Variants in GPC6 observed in about 807,000 individuals in gnomAD.
The protein encoded by GPC6 is glypican 6.
Under a neutral mutation model 55.2 loss-of-function variants are expected in GPC6, and 14 were observed. That is an observed-to-expected ratio of 0.25 (90% confidence interval 0.17 to 0.40). The LOEUF (loss-of-function observed/expected upper bound fraction) is 0.40. Ranked by LOEUF, GPC6 falls within the 10% of genes least tolerant of loss-of-function variation. The pLI is 1.00. For synonymous variants in GPC6, 278 were observed against 259.6 expected, an observed-to-expected ratio of 1.07 and a Z score of -0.68; for missense variants, 641 against 708.5, an observed-to-expected ratio of 0.90 and a Z score of 1.08.
chr13:93,917,287 CTT>C (rs1487456687), intron 3 of GPC6, among the ~76,000 whole-genome samples: 2 of 151,982 alleles, frequency 1.3e-5, no homozygotes, highest in African/African-American at 4.8e-5. Flanking sequence ...CTTATGAAAA[CTT>C]AGTCAGAAAT....
chr13:93,965,490 A>G (rs943411607), intron 3 of GPC6, among the ~76,000 whole-genome samples: 1 of 152,126 alleles, frequency 6.6e-6, no homozygotes, highest in African/African-American at 2.4e-5. Context: ...TCCCTCTTTT[A>G]TTTGGGTTGA....
At chr13:93,313,831 C>T (rs879616088) in intron 1 of GPC6, among the ~76,000 whole-genome samples, 5 of 151,918 alleles carry the variant, frequency 3.3e-5, no homozygotes, top group Non-Finnish European at 7.4e-5. Context: ...TGTGCCTGGC[C>T]TAAAATTTTA....
intron 3 of GPC6, among the ~76,000 whole-genome samples, chr13:93,843,767 A>G (rs1001546810): frequency 1.3e-5 from 2 of 152,126 alleles, no homozygotes; most frequent in African/African-American, 4.8e-5. Context: ...CTTAGCATCC[A>G]TGTTCAGTTT....
intron 1 of GPC6, among the ~76,000 whole-genome samples, chr13:93,364,379 A>G (rs925750728): frequency 6.6e-6 from 1 of 152,116 alleles, no homozygotes; most frequent in East Asian, 1.9e-4. Flanking sequence ...TAAGAAAATC[A>G]CAATGATGCA....
At chr13:93,385,069 G>C (rs1003851280) in intron 1 of GPC6, among the ~76,000 whole-genome samples, 1 of 152,196 alleles carries the variant, frequency 6.6e-6, no homozygotes, top group Non-Finnish European at 1.5e-5. Context: ...ATTGGGAAAA[G>C]GGTGTTAAGG....
chr13:94,295,204 ACT>A (rs965436363), intron 5 of GPC6, among the ~76,000 whole-genome samples: 25 of 152,166 alleles, frequency 1.6e-4, no homozygotes, highest in Non-Finnish European at 1.2e-4. Context: ...GTCTAAATTA[ACT>A]CACATTAAAA....
chr13:93,236,432 C>G (rs1876237070), intron 1 of GPC6, among the ~76,000 whole-genome samples: 2 of 152,012 alleles, frequency 1.3e-5, no homozygotes, highest in Non-Finnish European at 2.9e-5. Context: ...CCAGGGATCC[C>G]CAACCCCCAG....
At chr13:94,022,573 G>C (rs1882737761) in intron 3 of GPC6, among the ~76,000 whole-genome samples, 1 of 152,032 alleles carries the variant, frequency 6.6e-6, no homozygotes, top group Non-Finnish European at 1.5e-5. Context: ...TTACAAGGTG[G>C]TGATTTCATT....
chr13:94,353,962 C>T (rs1356628291), intron 6 of GPC6, among the ~76,000 whole-genome samples: 1 of 152,114 alleles, frequency 6.6e-6, no homozygotes, highest in Non-Finnish European at 1.5e-5. Flanking sequence ...TCTAGAGTAG[C>T]ATAAAATATG....
intron 6 of GPC6, among the ~76,000 whole-genome samples, chr13:94,380,194 T>A (rs1325280882): frequency 2.0e-5 from 3 of 152,232 alleles, no homozygotes; most frequent in Admixed American, 2.0e-4. Context: ...ATGCTCATTC[T>A]TAGTTTATTT....
chr13:94,198,420 A>T (rs1311510708), intron 4 of GPC6, among the ~76,000 whole-genome samples: 10 of 152,222 alleles, frequency 6.6e-5, no homozygotes, highest in Admixed American at 6.5e-4. Flanking sequence ...AACTAGGAAG[A>T]TGATTTGGTA....
At chr13:94,067,450 T>C (rs2138777320) in intron 4 of GPC6, among the ~76,000 whole-genome samples, 1 of 151,788 alleles carries the variant, frequency 6.6e-6, no homozygotes, top group Admixed American at 6.6e-5. Flanking sequence ...AGGATGGTCA[T>C]GAAACATAGG....
At chr13:93,714,256 A>C (rs146074379) in intron 2 of GPC6, among the ~76,000 whole-genome samples, 1 of 152,032 alleles carries the variant, frequency 6.6e-6, no homozygotes, top group Non-Finnish European at 1.5e-5. Context: ...AAACAACCCC[A>C]TTAGAAAAAT....
intron 1 of GPC6, among the ~76,000 whole-genome samples, chr13:93,314,712 GGTGTGTGTGTGTGTGTGTGT>G (rs370613459): frequency 0.14 from 20,333 of 147,644 alleles, 1,557 homozygotes; most frequent in East Asian, 0.36. Context: ...AACAAGGAGG[GGTGTGTGTGTGTGTGTGTGT>G]GTGTGTGTGT....
intron 1 of GPC6, among the ~76,000 whole-genome samples, chr13:93,328,518 A>G (rs952382016): frequency 6.6e-6 from 1 of 151,966 alleles, no homozygotes; most frequent in Non-Finnish European, 1.5e-5. Flanking sequence ...TACAAAATAT[A>G]CAAAAAATTA....
At chr13:93,223,896 CTTTTTT>C (rs10592858), upstream of GPC6, among the ~76,000 whole-genome samples, 1 of 83,570 alleles carries the variant, frequency 1.2e-5, no homozygotes, top group Non-Finnish European at 2.2e-5. Context: ...TATTTGTTTG[CTTTTTT>C]TTTTTTTTTT....
At position 93,830,771 on chromosome 13, in the gene GPC6, T is replaced by C. The variant is rs45608931; in HGVS notation, c.711+226T>C. The C allele has an allele frequency of 0.27, 145,728 of 544,908 alleles. 20,663 individuals carry two copies. Among genetic ancestry groups the C allele is most frequent in the East Asian group, 0.35 (10,687 of 30,590 alleles). The allele number at this position is 544,908 out of a possible 1,614,324, so 33.8% of individuals were successfully genotyped here. On this transcript the variant is annotated intron_variant, in intron 3 of 8. Transcript: ENST00000377047. ...AAGCCATTCTATGTGGTTTGAAAAT[T>C]AATGTTAATACTTATCAGCAGTATA...
intron 1 of GPC6, among the ~76,000 whole-genome samples, chr13:93,383,335 C>T (rs904583509): frequency 1.3e-5 from 2 of 152,146 alleles, no homozygotes; most frequent in African/African-American, 2.4e-5. Context: ...CCTCAGTCTC[C>T]GGAGTAGCTG....
intron 2 of GPC6, among the ~76,000 whole-genome samples, chr13:93,712,810 G>A (rs1883117850): frequency 6.6e-6 from 1 of 151,190 alleles, no homozygotes; most frequent in South Asian, 2.1e-4. Flanking sequence ...ATATTTTCCT[G>A]GGGAACAAAA....
Sources: allele counts gnomAD v4.1 joint callset (sites outside exome capture counted in the v4.1 genomes callset), GRCh38; gene constraint gnomAD v4.1.1; transcripts MANE v1.5; gene names NCBI Gene and HGNC (gene_info 2026-07-23, HGNC 2026-07-21).